SH3PXD2B: variants seen among roughly 807,000 people sequenced by gnomAD.
SH3PXD2B encodes SH3 and PX domains 2B.
SH3PXD2B carries 37 observed loss-of-function variants against 73.1 expected under a neutral mutation model. The ratio of observed to expected loss-of-function variants is 0.51; its 90% confidence interval spans 0.39 to 0.67. The LOEUF is 0.67. Among genes scored for constraint, SH3PXD2B ranks in the 30% least tolerant of loss-of-function variants. The pLI is 0.00. For synonymous variants in SH3PXD2B, 457 were observed against 480.5 expected (o/e 0.95, Z 0.64); for missense variants, 1,053 against 1,197.8 (o/e 0.88, Z 1.78).
intron 1 of SH3PXD2B, among the ~76,000 whole-genome samples, chr5:172,446,099 C>A (rs1302486977): frequency 6.6e-6 from 1 of 152,152 alleles, no homozygotes; most frequent in Non-Finnish European, 1.5e-5. Context: ...CAGCTGACCC[C>A]CCCGACAAGG....
downstream of SH3PXD2B, among the ~76,000 whole-genome samples, chr5:172,329,758 G>C (rs1047483640): frequency 7.2e-5 from 11 of 151,768 alleles, no homozygotes; most frequent in East Asian, 1.9e-4. Flanking sequence ...AGGATGGTCT[G>C]GATCTCCTGA....
intron 1 of SH3PXD2B, among the ~76,000 whole-genome samples, chr5:172,427,753 A>G (rs1759131617): frequency 6.6e-6 from 1 of 150,940 alleles, no homozygotes; most frequent in African/African-American, 2.4e-5. Context: ...TGAAATGTTA[A>G]GTTTTATGTT....
chr5:172,379,207 A>G (rs2731719), intron 5 of SH3PXD2B, among the ~76,000 whole-genome samples: 67,409 of 150,892 alleles, frequency 0.45, 15,865 homozygotes, highest in East Asian at 0.71. Flanking sequence ...CCCCCCGGAT[A>G]GGATTAGCGC....
intron 1 of SH3PXD2B, among the ~76,000 whole-genome samples, chr5:172,441,440 T>G (rs1345193725): frequency 1.3e-5 from 2 of 152,216 alleles, no homozygotes; most frequent in Admixed American, 6.5e-5. Flanking sequence ...CTTAGAATCA[T>G]GGGACCTTGG....
At chr5:172,341,105 G>C (rs531819880) in intron 12 of SH3PXD2B, among the ~76,000 whole-genome samples, 14 of 152,166 alleles carry the variant, frequency 9.2e-5, no homozygotes, top group Non-Finnish European at 2.1e-4. Context: ...GTCCAGCACT[G>C]CGTGGCTGAA....
At chr5:172,425,603 G>A (rs1184896872) in intron 1 of SH3PXD2B, among the ~76,000 whole-genome samples, 1 of 152,104 alleles carries the variant, frequency 6.6e-6, no homozygotes, top group Non-Finnish European at 1.5e-5. Context: ...AGCTGACAGT[G>A]CTGCGGGAGG....
chr5:172,439,264 CAAAAA>C (rs1759476842), intron 1 of SH3PXD2B, among the ~76,000 whole-genome samples: 13 of 45,764 alleles, frequency 2.8e-4, no homozygotes, highest in Non-Finnish European at 3.9e-4. Flanking sequence ...AAAAAAAAAA[CAAAAA>C]CAAAAACAAA....
chr5:172,440,231 T>A (rs7735621), intron 1 of SH3PXD2B, among the ~76,000 whole-genome samples: 23,032 of 152,228 alleles, frequency 0.15, 2,772 homozygotes, highest in African/African-American at 0.34. Flanking sequence ...GGCAGTAGCA[T>A]CAAAGCTGTC....
chr5:172,439,209 C>T (rs1347914526), intron 1 of SH3PXD2B, among the ~76,000 whole-genome samples: 8 of 137,108 alleles, frequency 5.8e-5, no homozygotes, highest in African/African-American at 8.4e-5. Flanking sequence ...CACTGCACTC[C>T]AGCCTGGGCC....
chr5:172,371,553 G>A (rs1242451239), intron 6 of SH3PXD2B, among the ~76,000 whole-genome samples: 1 of 152,208 alleles, frequency 6.6e-6, no homozygotes, highest in Non-Finnish European at 1.5e-5. Context: ...GGTCACATAA[G>A]ATATAAGGCT....
At chr5:172,348,658 T>TCTATC (rs1561896619) in intron 10 of SH3PXD2B, among the ~76,000 whole-genome samples, 35 of 41,092 alleles carry the variant, frequency 8.5e-4, no homozygotes, top group African/African-American at 2.1e-3. Flanking sequence ...ATCTATCCTA[T>TCTATC]CTATCTATCT....
At chr5:172,446,997 G>C (rs1027904714) in intron 1 of SH3PXD2B, among the ~76,000 whole-genome samples, 1 of 152,216 alleles carries the variant, frequency 6.6e-6, no homozygotes, top group African/African-American at 2.4e-5. Context: ...CTGAAGGCTG[G>C]TGCCTGCCTC....
rs182813780 is a variant in SH3PXD2B, at chr5:172,397,679, A to G, written c.233-3040T>C. Among the ~76,000 whole-genome samples the G allele has an allele frequency of 2.1e-3, 316 of 152,330 alleles. 1 individual carries two copies. The highest frequency in any genetic ancestry group is 3.7e-3 in the Admixed American group (57 of 15,310). On this transcript the variant is annotated intron_variant, in intron 3 of 12. Coordinates refer to ENST00000311601, the MANE Select transcript of SH3PXD2B (RefSeq NM_001017995.3). Reference sequence around the variant, plus strand: ...GAATTATTGGGGGCGGGTTCCCCCGATATCTGGCACCCAACATGGTCTTTC... The same window carrying G: ...GAATTATTGGGGGCGGGTTCCCCCGGTATCTGGCACCCAACATGGTCTTTC...
chr5:172,422,491 G>GTAGA lies in SH3PXD2B; in HGVS notation c.77_80dup (p.Ile28LeufsTer24). 1 of 1,611,518 alleles carries GTAGA rather than the reference G, an allele frequency of 6.2e-7. No individual in the cohort carries two copies. Reference sequence around the variant, plus strand: ...CGCTGGACCACGTGACCCGGATGATGTAGACCTGCGGGAGCAACAGAGGAG... The same window carrying GTAGA: ...CGCTGGACCACGTGACCCGGATGATGTAGATAGACCTGCGGGAGCAACAGAGGAG... On this transcript the variant is annotated frameshift_variant, in exon 2 of 13. Transcript: ENST00000311601. LOFTEE classifies it high-confidence loss of function.
chr5:172,348,239 A>G (rs1757039224), intron 10 of SH3PXD2B, among the ~76,000 whole-genome samples: 2 of 152,160 alleles, frequency 1.3e-5, no homozygotes, highest in African/African-American at 2.4e-5. Flanking sequence ...GACAAAGTAG[A>G]AAGTGTGTGG....
chr5:172,433,263 TGTAA>T (rs1759295968), intron 1 of SH3PXD2B, among the ~76,000 whole-genome samples: 1 of 152,108 alleles, frequency 6.6e-6, no homozygotes, highest in Non-Finnish European at 1.5e-5. Context: ...TCTAGGTTTG[TGTAA>T]GTACACACTG....
rs992005890 is a variant in SH3PXD2B, at chr5:172,338,788, T to C, written c.2317A>G (p.Arg773Gly). The C allele has an allele frequency of 1.2e-6, 2 of 1,614,040 alleles. No homozygotes were observed. Among genetic ancestry groups the C allele is most frequent in the African/African-American group, 2.7e-5 (2 of 74,924 alleles). ...GGACCTCTGACCTCTGGGAGCGGCC[T>C]GGATGACGAAGAGGTTTTCTTTGGG... Reference protein sequence around the residue: ...PPPKKTSSSSRPLPEVRGPQC... With the variant: ...PPPKKTSSSSGPLPEVRGPQC... The change falls in exon 13 of 13, where the codon AGG becomes GGG. Residue 773 changes from arginine to glycine, a missense_variant. Arg to Gly is a moderately radical substitution (Grantham distance 125). Transcript: ENST00000311601. The surrounding 1 kb of genome is among the most constrained non-coding windows in gnomAD (Gnocchi z 5.1).
At chr5:172,425,397 G>A (rs562925750) in intron 1 of SH3PXD2B, among the ~76,000 whole-genome samples, 12 of 152,276 alleles carry the variant, frequency 7.9e-5, no homozygotes, top group Non-Finnish European at 8.8e-5. Context: ...GAGGGTGGTA[G>A]GTGGAGGGGC....
At chr5:172,394,194 C>T (rs1758246292) in intron 4 of SH3PXD2B, among the ~76,000 whole-genome samples, 1 of 152,202 alleles carries the variant, frequency 6.6e-6, no homozygotes, top group Non-Finnish European at 1.5e-5. Context: ...ATCCACCTGC[C>T]TCGGCCTCCC....
Sources: allele counts gnomAD v4.1 joint callset (sites outside exome capture counted in the v4.1 genomes callset), GRCh38; gene constraint gnomAD v4.1.1; non-coding constraint Gnocchi (gnomAD v3.1); transcripts MANE v1.5; gene names NCBI Gene and HGNC (gene_info 2026-07-23, HGNC 2026-07-21).